The following PECR variants were observed in gnomAD, a reference collection of about 807,000 sequenced individuals.
PECR encodes the protein 2,4-dienoyl-CoA reductase-related protein.
PECR carries 30 observed loss-of-function variants against 35.3 expected under a neutral mutation model. That is an observed-to-expected ratio of 0.85 (90% CI 0.64 to 1.15). The LOEUF (loss-of-function observed/expected upper bound fraction) is 1.15, where lower values mean the gene tolerates loss of function less well. PECR is among the 50% of genes most tolerant of loss of function. PECR has a pLI of 0.00. For missense variants in PECR, 392 were observed against 370.8 expected (o/e 1.06, Z -0.47); for synonymous variants, 148 against 138.9 (o/e 1.07, Z -0.46).
At position 216,038,533 on chromosome 2, in the gene PECR, T is replaced by C. The variant is rs1694835675; in HGVS notation, c.*742A>G. On this transcript the variant is annotated 3_prime_UTR_variant, in exon 8 of 8. Transcript: ENST00000265322. Reference sequence around the variant, plus strand: ...CCAAAAATAAGTCATTGTATAATTCTAATTTTAATAATCTTAATTACGACA... The same window carrying C: ...CCAAAAATAAGTCATTGTATAATTCCAATTTTAATAATCTTAATTACGACA... The C allele has an allele frequency of 6.6e-6, 1 of 152,272 alleles. No individual in the cohort carries two copies. The highest frequency in any genetic ancestry group is 2.1e-4 in the South Asian group (1 of 4,834). 9.4% of individuals were successfully genotyped at this position (152,272 alleles called of 1,614,324 possible). A position where few individuals can be genotyped will look rare whatever the true frequency, so the allele number is the denominator to read the frequency against.
rs191204295 is a variant in PECR, at chr2:216,074,517, G to A, written c.124+7101C>T. Among the ~76,000 whole-genome samples the A allele has an allele frequency of 1.2e-3, 158 of 131,932 alleles. 1 individual carries two copies. Among genetic ancestry groups the A allele is most frequent in the African/African-American group, 5.3e-3 (146 of 27,704 alleles). 86.6% of individuals were successfully genotyped at this position (131,932 alleles called of 152,430 possible). A position where few individuals can be genotyped will look rare whatever the true frequency, so the allele number is the denominator to read the frequency against. On this transcript the variant is annotated intron_variant, in intron 1 of 7. Coordinates refer to ENST00000265322, the MANE Select transcript of PECR (RefSeq NM_018441.6). ...AAAAGGAAGGAAGGAAGGAAGGAAGGAAGGAAGGAAGGAAGGAAGGAAGAA... is the reference window on the plus strand; with the variant it reads ...AAAAGGAAGGAAGGAAGGAAGGAAGAAAGGAAGGAAGGAAGGAAGGAAGAA...
At chr2:216,029,852 C>G (rs1453749576) in intron 7 of PECR, among the ~76,000 whole-genome samples, 2 of 152,208 alleles carry the variant, frequency 1.3e-5, no homozygotes, top group Non-Finnish European at 2.9e-5. Flanking sequence ...CTGAGAGTCT[C>G]ATGCATCATT....
chr2:216,046,310 AT>A lies in PECR; in HGVS notation c.715-2296del, dbSNP rs869225237. On this transcript the variant is annotated intron_variant, in intron 6 of 7. Coordinates refer to ENST00000265322, the MANE Select transcript of PECR (RefSeq NM_018441.6). ...TATACATACATATATATATATATAT[AT>A]TTTTTTTTTTTTTTTTTTTGAGAAG... is the stretch of plus-strand genomic sequence containing the variant. Among the ~76,000 whole-genome samples, 610 of 96,864 alleles carry A rather than the reference AT, an allele frequency of 6.3e-3. 4 individuals are homozygous for A. Among genetic ancestry groups the A allele is most frequent in the African/African-American group, 0.019 (406 of 21,482 alleles). The allele number at this position is 96,864 out of a possible 152,430, so 63.5% of individuals were successfully genotyped here.
intron 6 of PECR, among the ~76,000 whole-genome samples, chr2:216,048,019 CTAGT>C (rs1695029000): frequency 6.7e-6 from 1 of 148,838 alleles, no homozygotes; most frequent in African/African-American, 2.5e-5. Flanking sequence ...AAGTTTACTA[CTAGT>C]TATTTTCATT....
chr2:216,061,430 T>C (rs1695349128), intron 3 of PECR, among the ~76,000 whole-genome samples: 1 of 151,420 alleles, frequency 6.6e-6, no homozygotes, highest in South Asian at 2.1e-4. Context: ...ACTTATAGTT[T>C]ACAAATAGAA....
intron 1 of PECR, among the ~76,000 whole-genome samples, chr2:216,080,761 T>C (rs1002483075): frequency 2.6e-5 from 4 of 152,260 alleles, no homozygotes; most frequent in African/African-American, 9.6e-5. Context: ...TTCTTGCCTG[T>C]CTGTAGTTCT....
At chr2:216,035,155 G>A (rs1694772896), downstream of PECR, among the ~76,000 whole-genome samples, 1 of 152,224 alleles carries the variant, frequency 6.6e-6, no homozygotes, top group Non-Finnish European at 1.5e-5. Context: ...TTGTTCCCCT[G>A]AGCCAGCGGG....
intron 3 of PECR, among the ~76,000 whole-genome samples, chr2:216,064,878 A>G (rs1695432596): frequency 1.3e-5 from 2 of 152,202 alleles, no homozygotes; most frequent in African/African-American, 4.8e-5. Flanking sequence ...CCCACGAAAC[A>G]TGACCTTTAA....
At chr2:216,077,056 C>T (rs556330431) in intron 1 of PECR, among the ~76,000 whole-genome samples, 8 of 151,678 alleles carry the variant, frequency 5.3e-5, no homozygotes, top group Admixed American at 2.6e-4. Context: ...CGCACCACCT[C>T]GCCTGGCTAA....
intron 5 of PECR, among the ~76,000 whole-genome samples, chr2:216,049,998 G>A (rs1695073291): frequency 6.6e-6 from 1 of 152,018 alleles, no homozygotes. Flanking sequence ...CTGGAGGATT[G>A]TGTGAGCCTA....
rs1408173181 is a variant in PECR at position 216,081,671 on chromosome 2, G to A, written c.71C>T (p.Thr24Ile). 1 of 1,613,592 alleles carries A rather than the reference G, an allele frequency of 6.2e-7. No individual in the cohort carries two copies. Among genetic ancestry groups the A allele is most frequent in the African/African-American group, 1.3e-5 (1 of 74,928 alleles). ...TTTTCCGATGCCCGTGGCCCCGCCG[G>A]TGACGATGGCCACTTGGCCCTGCAG... is the stretch of plus-strand genomic sequence containing the variant. ...GLLQGQVAIV[T>I]GGATGIGKAI... Residue 24 changes from threonine (T) to isoleucine (I), a missense_variant, in exon 1 of 8, where the codon ACC (threonine) becomes ATC (isoleucine). Physicochemically the swap from Thr to Ile is moderately conservative, Grantham distance 89. Transcript: ENST00000265322.
chr2:216,065,988 G>T (rs1323146514), intron 2 of PECR, among the ~76,000 whole-genome samples: 1 of 152,186 alleles, frequency 6.6e-6, no homozygotes, highest in African/African-American at 2.4e-5. Flanking sequence ...GCTGGGCATG[G>T]TGGCATGCAC....
intron 6 of PECR, among the ~76,000 whole-genome samples, chr2:216,047,290 A>C (rs1311267716): frequency 2.0e-5 from 3 of 152,140 alleles, no homozygotes; most frequent in Admixed American, 1.3e-4. Context: ...AACAAATACA[A>C]ATTTTTAATG....
intron 4 of PECR, among the ~76,000 whole-genome samples, chr2:216,052,704 G>A (rs1197885342): frequency 6.6e-6 from 1 of 152,134 alleles, no homozygotes; most frequent in Non-Finnish European, 1.5e-5. Context: ...TTCTTGTACT[G>A]GGGTTTGTTG....
intron 6 of PECR, among the ~76,000 whole-genome samples, chr2:216,048,806 A>C (rs1695046052): frequency 7.0e-6 from 1 of 142,434 alleles, no homozygotes; most frequent in Non-Finnish European, 1.5e-5. Flanking sequence ...TCGTGACACT[A>C]TACTTAGCCT....
intron 4 of PECR, among the ~76,000 whole-genome samples, chr2:216,056,723 G>GAAA (rs1206717179): frequency 1.3e-4 from 8 of 60,708 alleles, no homozygotes; most frequent in East Asian, 8.4e-4. Context: ...CTCCATCTCA[G>GAAA]AAAAAAAAAA....
In PECR at chr2:216,045,491, G is replaced by A. The variant is rs979109635; in HGVS notation, c.715-1476C>T. ...CATGTTGATTACATGTTGAAATGAC[G>A]ATGTTTTGGATGTATTAGGCTAAGT... On this transcript the variant is annotated intron_variant, in intron 6 of 7. Coordinates refer to ENST00000265322, the MANE Select transcript of PECR (RefSeq NM_018441.6). 2.0e-5 allele frequency among the ~76,000 whole-genome samples: 3 copies of A among 152,202 alleles called. No homozygotes were observed. In the East Asian group the frequency reaches 5.8e-4, roughly 29 times the overall value.
chr2:216,043,727 T>G (rs1694939825), intron 7 of PECR, among the ~76,000 whole-genome samples, 177 bp downstream of exon 7: 1 of 152,238 alleles, frequency 6.6e-6, no homozygotes, highest in South Asian at 2.1e-4. Flanking sequence ...GTTAGATATT[T>G]TCTGTGACTA....
rs1695463423 is a variant in PECR at position 216,066,249 on chromosome 2, CTCTT to C, written c.258+132_258+135del. 25 of 802,328 alleles carry C rather than the reference CTCTT, an allele frequency of 3.1e-5. 1 individual carries two copies. In the South Asian group the frequency reaches 3.4e-4, roughly 11 times the overall value. The allele number at this position is 802,328 out of a possible 1,614,324, so 49.7% of individuals were successfully genotyped here. Reference sequence around the variant, plus strand: ...CTCAGTAAATCATTAACATGAGAATCTCTTTCACAGCCTCTGCTTCTAGTGAGCC... The same window carrying C: ...CTCAGTAAATCATTAACATGAGAATCTCACAGCCTCTGCTTCTAGTGAGCC... On this transcript the variant is annotated intron_variant, in intron 2 of 7. Coordinates refer to ENST00000265322, the MANE Select transcript of PECR (RefSeq NM_018441.6).
Sources: gnomAD v4.1 joint callset for allele counts (sites outside exome capture counted in the v4.1 genomes callset) on GRCh38, gnomAD v4.1.1 for gene constraint, MANE v1.5 for transcripts, NCBI Gene and HGNC (gene_info 2026-07-23, HGNC 2026-07-21) for gene names.